Variants in ARPC5 observed in about 807,000 individuals in gnomAD.
The protein encoded by ARPC5 is actin related protein 2/3 complex subunit 5.
In ARPC5, 5 loss-of-function variants were observed where a neutral mutation model predicts 15.4. The observed-to-expected ratio is 0.32, with a 90% CI of 0.17 to 0.68. The LOEUF (loss-of-function observed/expected upper bound fraction) is 0.68. Ranked by LOEUF, ARPC5 falls within the 30% of genes least tolerant of loss-of-function variation. The pLI is 0.71. For missense variants in ARPC5, 138 were observed against 192.8 expected (o/e 0.72, Z 1.68); for synonymous variants, 85 against 72.2 (o/e 1.18, Z -0.90).
rs1339576849 is a variant in ARPC5 at position 183,624,374 on chromosome 1, G to A, written c.*3158C>T. 1 of 152,076 alleles carries A rather than the reference G, an allele frequency of 6.6e-6. No homozygotes were observed. Among genetic ancestry groups the A allele is most frequent in the African/African-American group, 2.4e-5 (1 of 41,388 alleles). 9.4% of individuals were successfully genotyped at this position (152,076 alleles called of 1,614,324 possible). ...AAAATACAAAAAATTAGCCGGGCGTGGTGGCGGGCGCCTGTAGTCCCAGCT... is the reference window on the plus strand; with the variant it reads ...AAAATACAAAAAATTAGCCGGGCGTAGTGGCGGGCGCCTGTAGTCCCAGCT... On this transcript the variant is annotated 3_prime_UTR_variant, in exon 4 of 4. Transcript: ENST00000359856.
chr1:183,629,612 T>C (rs1407166598), intron 3 of ARPC5, among the ~76,000 whole-genome samples: 4 of 152,234 alleles, frequency 2.6e-5, no homozygotes, highest in Admixed American at 6.5e-5. Flanking sequence ...TATACTCTTT[T>C]GACAGATGAT....
chr1:183,621,919 C>A lies in ARPC5; in HGVS notation c.*5613G>T, dbSNP rs1466639686. On this transcript the variant is annotated 3_prime_UTR_variant, in exon 4 of 4. Transcript: ENST00000359856. The stretch of plus-strand genomic sequence containing the variant: ...CTATCTCATCCTGTGACTTAGAATG[C>A]CTTAACCATCTGGGAATGCAGCCCA... The A allele has an allele frequency of 6.6e-6, 1 of 152,178 alleles. No individual in the cohort carries two copies. Among genetic ancestry groups the A allele is most frequent in the African/African-American group, 2.4e-5 (1 of 41,430 alleles). 9.4% of individuals were successfully genotyped at this position (152,178 alleles called of 1,614,324 possible).
At chr1:183,632,431 A>G (rs1649293617) in intron 2 of ARPC5, 1 of 152,212 alleles carries the variant, frequency 6.6e-6, no homozygotes, top group Admixed American at 6.5e-5. Context: ...GGTTTACAAT[A>G]GGAAAAAAAA....
At position 183,624,341 on chromosome 1, in the gene ARPC5, C is replaced by T. The variant is rs1043838055; in HGVS notation, c.*3191G>A. 3 of 152,048 alleles carry T rather than the reference C, an allele frequency of 2.0e-5. No individual in the cohort carries two copies. Among genetic ancestry groups the T allele is most frequent in the Non-Finnish European group, 1.5e-5 (1 of 68,048 alleles). The allele number at this position is 152,048 out of a possible 1,614,324, so 9.4% of individuals were successfully genotyped here. On this transcript the variant is annotated 3_prime_UTR_variant, in exon 4 of 4. Transcript: ENST00000359856. ...GCTAACACGGTGAATGAAACCCCGT[C>T]TCTACTAAAAATACAAAAAATTAGC...
rs1025980418 is a variant in ARPC5, at chr1:183,635,759, C to T, written c.-100G>A. The T allele has an allele frequency of 1.3e-6, 2 of 1,499,048 alleles. No homozygotes were observed. The highest frequency in any genetic ancestry group is 1.8e-6 in the Non-Finnish European group (2 of 1,112,620). The allele number at this position is 1,499,048 out of a possible 1,614,324, so 92.9% of individuals were successfully genotyped here. A position where few individuals can be genotyped will look rare whatever the true frequency, so the allele number is the denominator to read the frequency against. ...TACCCGGCGCCTGATTCACTTCCCT[C>T]TTCCGCTCTGAGGCGTCGCCGACTG... On this transcript the variant is annotated 5_prime_UTR_variant, in exon 1 of 4. Transcript: ENST00000359856.
At chr1:183,634,299 G>C (rs1649358275) in intron 1 of ARPC5, among the ~76,000 whole-genome samples, 1 of 152,166 alleles carries the variant, frequency 6.6e-6, no homozygotes, top group Non-Finnish European at 1.5e-5. Flanking sequence ...TAATGCAAAA[G>C]AGCAACAGCT....
chr1:183,634,235 T>C (rs1649353146), intron 1 of ARPC5, among the ~76,000 whole-genome samples: 1 of 152,268 alleles, frequency 6.6e-6, no homozygotes, highest in African/African-American at 2.4e-5. Flanking sequence ...TAGAGAAGCA[T>C]GCCTGATGTA....
In ARPC5 at chr1:183,623,635, T is replaced by C; in HGVS notation, c.*3897A>G. ...AGAGGCCGTTGGTCTGTTCCTTAATTGGGTGTGTTTTTCAATTATTTTGGT... is the reference window on the plus strand; with the variant it reads ...AGAGGCCGTTGGTCTGTTCCTTAATCGGGTGTGTTTTTCAATTATTTTGGT... On this transcript the variant is annotated 3_prime_UTR_variant, in exon 4 of 4. Transcript: ENST00000359856. The C allele has an allele frequency of 1.2e-6, 1 of 841,054 alleles. No individual in the cohort carries two copies. The highest frequency in any genetic ancestry group is 1.8e-6 in the Non-Finnish European group (1 of 541,140). 52.1% of individuals were successfully genotyped at this position (841,054 alleles called of 1,614,324 possible).
intron 2 of ARPC5, chr1:183,631,176 T>C (rs1649252629): frequency 6.6e-6 from 1 of 152,054 alleles, no homozygotes; most frequent in Non-Finnish European, 1.5e-5. Context: ...GACAGACTAT[T>C]AACATAATTG....
chr1:183,630,229 A>G, intron 3 of ARPC5: 1 of 371,406 alleles, frequency 2.7e-6, no homozygotes, highest in African/African-American at 2.1e-5. Context: ...TTCAGAGTTC[A>G]AGATTATGTT....
chr1:183,630,698 T>C (rs970636697), intron 2 of ARPC5, 61 bp from the exon 3 acceptor site: 7 of 1,484,820 alleles, frequency 4.7e-6, no homozygotes, highest in Non-Finnish European at 6.4e-6. Context: ...GTTTAGAATT[T>C]CAGAAAGTCT....
rs576594623 is a variant in ARPC5 at position 183,626,145 on chromosome 1, T to A, written c.*1387A>T. ...ACTTGGTGGTAGAAGCAGAAAACCT[T>A]TCCTCTTAATTAACCATACATTCAT... On this transcript the variant is annotated 3_prime_UTR_variant, in exon 4 of 4. Coordinates refer to ENST00000359856, the MANE Select transcript of ARPC5 (RefSeq NM_005717.4). 2 of 152,348 alleles carry A rather than the reference T, an allele frequency of 1.3e-5. No individual in the cohort carries two copies. Among genetic ancestry groups the A allele is most frequent in the African/African-American group, 4.8e-5 (2 of 41,582 alleles). The allele number at this position is 152,348 out of a possible 1,614,324, so 9.4% of individuals were successfully genotyped here. A position where few individuals can be genotyped will look rare whatever the true frequency, so the allele number is the denominator to read the frequency against.
chr1:183,635,755 C>T lies in ARPC5; in HGVS notation c.-96G>A. 1 of 1,504,786 alleles carries T rather than the reference C, an allele frequency of 6.6e-7. No homozygotes were observed. The highest frequency in any genetic ancestry group is 1.3e-5 in the South Asian group (1 of 77,388). 93.2% of individuals were successfully genotyped at this position (1,504,786 alleles called of 1,614,324 possible). A position where few individuals can be genotyped will look rare whatever the true frequency, so the allele number is the denominator to read the frequency against. ...CCACTACCCGGCGCCTGATTCACTT[C>T]CCTCTTCCGCTCTGAGGCGTCGCCG... On this transcript the variant is annotated 5_prime_UTR_variant, in exon 1 of 4. Transcript: ENST00000359856.
Position 183,635,736 on chromosome 1 carries a change from C to T in ARPC5, c.-77G>A. The T allele has an allele frequency of 6.5e-7, 1 of 1,542,678 alleles. No homozygotes were observed. The highest frequency in any genetic ancestry group is 2.4e-5 in the East Asian group (1 of 42,228). Reference sequence around the variant, plus strand: ...GCAAGCCCAGCCCAGCAACCCACTACCCGGCGCCTGATTCACTTCCCTCTT... The same window carrying T: ...GCAAGCCCAGCCCAGCAACCCACTATCCGGCGCCTGATTCACTTCCCTCTT... On this transcript the variant is annotated 5_prime_UTR_variant, in exon 1 of 4. Coordinates refer to ENST00000359856, the MANE Select transcript of ARPC5 (RefSeq NM_005717.4).
chr1:183,623,486 T>G lies in ARPC5; in HGVS notation c.*4046A>C. The G allele has an allele frequency of 6.5e-7, 1 of 1,550,288 alleles. No individual in the cohort carries two copies. Among genetic ancestry groups the G allele is most frequent in the Non-Finnish European group, 8.7e-7 (1 of 1,146,836 alleles). On this transcript the variant is annotated 3_prime_UTR_variant, in exon 4 of 4. Transcript: ENST00000359856. ...ACAAGAGGCACCTGCACAGAACGTT[T>G]TCACATTGGGGTTTTCACATATTGT...
At chr1:183,632,433 GAAAA>G (rs996115402) in intron 2 of ARPC5, 1 of 150,436 alleles carries the variant, frequency 6.6e-6, no homozygotes, top group African/African-American at 2.4e-5. Flanking sequence ...TTTACAATAG[GAAAA>G]AAAAAGTCAG....
At position 183,633,135 on chromosome 1, in the gene ARPC5, G is replaced by C. The variant is rs1182171372; in HGVS notation, c.163C>G (p.Leu55Val). 6.2e-7 allele frequency: 1 copy of C among 1,601,766 alleles called. No individual in the cohort carries two copies. The highest frequency in any genetic ancestry group is 1.4e-5 in the African/African-American group (1 of 74,020). ...CLRQGNMTAA[L>V]QAALKNPPIN... ...GGGGGGTTCTTCAGAGCTGCCTGTA[G>C]GGCAGCTGTCATGTTTCCTGTGATG... Residue 55 changes from leucine to valine, a missense_variant, in exon 2 of 4, where the codon CTA (leucine) becomes GTA (valine). Physicochemically the swap from Leu to Val is conservative, Grantham distance 32 (BLOSUM62 1). Transcript: ENST00000359856.
At chr1:183,635,489 G>T in intron 1 of ARPC5, 28 bp downstream of exon 1, 1 of 1,590,424 alleles carries the variant, frequency 6.3e-7, no homozygotes, top group South Asian at 1.1e-5. Context: ...CTGGGCTGGG[G>T]TGGGGAGGGC....
intron 1 of ARPC5, chr1:183,633,827 T>C (rs1255411420): frequency 6.6e-6 from 1 of 152,228 alleles, no homozygotes; most frequent in Non-Finnish European, 1.5e-5. Flanking sequence ...TTGAAAGCAC[T>C]AGTGAGTTAG....
Sources: allele counts gnomAD v4.1 joint callset (sites outside exome capture counted in the v4.1 genomes callset), GRCh38; gene constraint gnomAD v4.1.1; transcripts MANE v1.5; gene names NCBI Gene and HGNC (gene_info 2026-07-23, HGNC 2026-07-21).